KAT14: variants seen among roughly 807,000 people sequenced by gnomAD.
KAT14 encodes the protein cysteine-rich protein 2-binding protein.
Under a neutral mutation model 78.4 loss-of-function variants are expected in KAT14, and 66 were observed. That is an observed-to-expected ratio of 0.84 (90% CI 0.69 to 1.03). KAT14 has a LOEUF of 1.03. Among genes scored for constraint, KAT14 ranks in the 50% least tolerant of loss-of-function variants. The pLI, the probability that KAT14 is intolerant of heterozygous loss-of-function variation, is 0.00. For missense variants in KAT14, 870 were observed against 972.5 expected (o/e 0.89, Z 1.40); for synonymous variants, 344 against 359.4 (o/e 0.96, Z 0.48).
In KAT14 at chr20:18,142,203, T is replaced by C. The variant is rs2146335737; in HGVS notation, c.-453-5T>C. On this transcript the variant is annotated splice_polypyrimidine_tract_variant and splice_region_variant and intron_variant, in intron 1 of 10. Coordinates refer to ENST00000688188, the MANE Select transcript of KAT14 (RefSeq NM_001392073.1). ...GTTACTGAAATCTGTTTCTTACGTTTTTAGAGGCTTCGTGACGGAGTTATC... is the reference window on the plus strand; with the variant it reads ...GTTACTGAAATCTGTTTCTTACGTTCTTAGAGGCTTCGTGACGGAGTTATC... 6.5e-7 allele frequency: 1 copy of C among 1,536,414 alleles called. No homozygotes were observed. The highest frequency in any genetic ancestry group is 2.4e-5 in the East Asian group (1 of 40,896).
chr20:18,150,709 C>A (rs2038000907), intron 3 of KAT14, 112 bp from the exon 4 acceptor site: 1 of 1,515,196 alleles, frequency 6.6e-7, no homozygotes, highest in African/African-American at 1.4e-5. Flanking sequence ...TTTGTTCGCT[C>A]TGTTCCCCAC....
At chr20:18,164,446 C>T (rs184188207) in intron 7 of KAT14, among the ~76,000 whole-genome samples, 2 of 152,124 alleles carry the variant, frequency 1.3e-5, no homozygotes, top group Admixed American at 6.5e-5. Flanking sequence ...AGTCATACCC[C>T]CCAGGCTCTA....
At chr20:18,157,185 T>A (rs2146405932) in intron 4 of KAT14, among the ~76,000 whole-genome samples, 1 of 152,330 alleles carries the variant, frequency 6.6e-6, no homozygotes, top group South Asian at 2.1e-4. Flanking sequence ...CATTGGTTTT[T>A]AAAATCTTTT....
At chr20:18,186,838 T>A (rs1403801597) in intron 10 of KAT14, among the ~76,000 whole-genome samples, 1 of 152,214 alleles carries the variant, frequency 6.6e-6, no homozygotes, top group Non-Finnish European at 1.5e-5. Flanking sequence ...TGTTTGTGCA[T>A]GTAATTTAGC....
intron 7 of KAT14, among the ~76,000 whole-genome samples, chr20:18,164,699 C>T (rs1475348542): frequency 6.6e-6 from 1 of 151,312 alleles, no homozygotes; most frequent in African/African-American, 2.4e-5. Flanking sequence ...TCATTGCAGC[C>T]CCGAACTCTC....
intron 7 of KAT14, among the ~76,000 whole-genome samples, chr20:18,165,805 G>T (rs899841649): frequency 1.3e-5 from 2 of 152,168 alleles, no homozygotes; most frequent in Admixed American, 6.5e-5. Context: ...GAGGAAGTGG[G>T]ATCCTCTGTA....
Position 18,187,513 on chromosome 20 carries a change from G to A in KAT14, c.*54G>A. On this transcript the variant is annotated 3_prime_UTR_variant, in exon 11 of 11. Transcript: ENST00000688188. ...GTGCTATTGGAGAACAGGTCTTTGT[G>A]GAGATCTAAAGGCAGTGATTGATTT... 1 of 1,607,358 alleles carries A rather than the reference G, an allele frequency of 6.2e-7. No individual in the cohort carries two copies. The highest frequency in any genetic ancestry group is 8.5e-7 in the Non-Finnish European group (1 of 1,178,120).
chr20:18,140,506 C>T (rs2037491988), intron 1 of KAT14, among the ~76,000 whole-genome samples: 2 of 151,968 alleles, frequency 1.3e-5, no homozygotes, highest in African/African-American at 2.4e-5. Flanking sequence ...CTCTATATAG[C>T]CACTATTAAA....
At chr20:18,179,717 T>G (rs2039179125) in intron 7 of KAT14, among the ~76,000 whole-genome samples, 1 of 152,212 alleles carries the variant, frequency 6.6e-6, no homozygotes, top group Non-Finnish European at 1.5e-5. Context: ...CGGCTCCTTG[T>G]TACTTATGTA....
At chr20:18,159,339 C>G (rs943200320) in intron 5 of KAT14, 74 bp downstream of exon 5, 2 of 1,523,688 alleles carry the variant, frequency 1.3e-6, no homozygotes, top group Admixed American at 4.6e-5. Flanking sequence ...GGAGACGCTC[C>G]TGCTTCCACT....
chr20:18,175,502 C>T (rs936552695), intron 7 of KAT14, among the ~76,000 whole-genome samples: 4 of 152,118 alleles, frequency 2.6e-5, no homozygotes, highest in African/African-American at 7.2e-5. Flanking sequence ...AGCCACCTGT[C>T]GCCTCCCCGG....
intron 7 of KAT14, 35 bp downstream of exon 7, chr20:18,162,980 G>A: frequency 1.3e-6 from 2 of 1,599,060 alleles, no homozygotes; most frequent in Non-Finnish European, 1.7e-6. Context: ...GCCCTTGGGG[G>A]CAGGAGTGGA....
chr20:18,178,085 A>G (rs1029515728), intron 7 of KAT14, among the ~76,000 whole-genome samples: 1 of 144,268 alleles, frequency 6.9e-6, no homozygotes, highest in Admixed American at 7.2e-5. Context: ...TCCAGCCTGG[A>G]TAACAGAGCA....
At chr20:18,185,218 A>G (rs78892520) in intron 10 of KAT14, among the ~76,000 whole-genome samples, 1,755 of 152,230 alleles carry the variant, frequency 0.012, 44 homozygotes, top group African/African-American at 0.04. Context: ...CAATAAGAAT[A>G]TGTATATATT....
intron 1 of KAT14, among the ~76,000 whole-genome samples, chr20:18,141,074 T>C (rs1325435728): frequency 7.3e-6 from 1 of 136,060 alleles, no homozygotes; most frequent in Non-Finnish European, 1.5e-5. Context: ...AGATGGGATT[T>C]TGCCATGTTG....
upstream of KAT14, among the ~76,000 whole-genome samples, chr20:18,137,443 C>A (rs554502704): frequency 1.7e-3 from 266 of 152,316 alleles, 1 homozygote; most frequent in Non-Finnish European, 3.2e-3. Flanking sequence ...AGCTGCCTAA[C>A]GAGGCGGTCT....
At chr20:18,179,433 C>T (rs2039168513) in intron 7 of KAT14, among the ~76,000 whole-genome samples, 1 of 152,242 alleles carries the variant, frequency 6.6e-6, no homozygotes, top group South Asian at 2.1e-4. Context: ...TTCCATACAT[C>T]TTCTGAAATC....
rs1395995770 is a variant in KAT14 at position 18,150,740 on chromosome 20, A to G, written c.379-81A>G. On this transcript the variant is annotated intron_variant, in intron 3 of 10. Coordinates refer to ENST00000688188, the MANE Select transcript of KAT14 (RefSeq NM_001392073.1). ...CCCACCATTCCTACTCAGAATATAA[A>G]ACAGAAGAAGCTTTTCCCCCCTCAA... 21 of 1,590,394 alleles carry G rather than the reference A, an allele frequency of 1.3e-5. No homozygotes were observed. In the South Asian group the frequency reaches 2.2e-4, roughly 17 times the overall value.
intron 2 of KAT14, chr20:18,145,030 A>T: frequency 8.0e-7 from 1 of 1,254,966 alleles, no homozygotes; most frequent in Non-Finnish European, 1.0e-6. Flanking sequence ...ACTGGATCCT[A>T]CAGATCTTAG....
Sources: allele counts gnomAD v4.1 joint callset (sites outside exome capture counted in the v4.1 genomes callset), GRCh38; gene constraint gnomAD v4.1.1; transcripts MANE v1.5; gene names NCBI Gene and HGNC (gene_info 2026-07-23, HGNC 2026-07-21).